RSPH1: variants seen among roughly 807,000 people sequenced by gnomAD.
RSPH1 encodes the protein radial spoke head 1 homolog.
RSPH1 carries 32 observed loss-of-function variants against 44.2 expected under a neutral mutation model. That is an observed-to-expected ratio of 0.72 (90% CI 0.55 to 0.97). The LOEUF is 0.97. Ranked by LOEUF, RSPH1 falls within the 50% of genes least tolerant of loss-of-function variation. The probability of loss-of-function intolerance (pLI) is 0.00; values close to 1 mark genes in which losing one functional copy is unlikely to be tolerated. For missense variants in RSPH1, 391 were observed against 398.7 expected (o/e 0.98, Z 0.16); for synonymous variants, 134 against 147.3 (o/e 0.91, Z 0.65).
rs1403153655 is a variant in RSPH1, at chr21:42,485,751, G to C, written c.419C>G (p.Thr140Ser). 1 of 1,614,048 alleles carries C rather than the reference G, an allele frequency of 6.2e-7. No homozygotes were observed. Among genetic ancestry groups the C allele is most frequent in the African/African-American group, 1.3e-5 (1 of 74,904 alleles). Residue 140 changes from threonine (T) to serine (S), a missense_variant, in exon 5 of 9, where the codon ACC becomes AGC. By Grantham distance (58) the Thr-to-Ser change is moderately conservative. Coordinates refer to ENST00000291536, the MANE Select transcript of RSPH1 (RefSeq NM_080860.4). The part of the protein sequence containing the change: ...YAETGSKYVG[T>S]WVNGQQEGTA... ...GCCCTCCTGCTGTCCGTTCACCCAG[G>C]TGCCAACATACTTACTGCCCGTCTC...
At chr21:42,475,012 T>C (rs2054030354) in intron 8 of RSPH1, among the ~76,000 whole-genome samples, 1 of 152,180 alleles carries the variant, frequency 6.6e-6, no homozygotes, top group South Asian at 2.1e-4. Context: ...AGATGGCCCT[T>C]TCCCTCACAA....
chr21:42,475,979 G>A lies in RSPH1; in HGVS notation c.796C>T (p.Pro266Ser). Residue 266 changes from proline to serine, a missense_variant, in exon 8 of 9, where the codon CCT becomes TCT. Transcript: ENST00000291536. ...EGFEGEMDMR[P>S]GDEDADVLRE... ...AGGACGTCTGCATCTTCATCTCCAG[G>A]CCTCATGTCCATCTCACCCTCGAAG... The A allele has an allele frequency of 6.2e-6, 10 of 1,612,918 alleles. No homozygotes were observed. The highest frequency in any genetic ancestry group is 8.5e-6 in the Non-Finnish European group (10 of 1,179,760).
In RSPH1 at chr21:42,474,790, G is replaced by A. The variant is rs566545273; in HGVS notation, c.877+1108C>T. On this transcript the variant is annotated intron_variant, in intron 8 of 8. Transcript: ENST00000291536. The surrounding 1 kb of genome is among the most constrained non-coding windows in gnomAD (Gnocchi z 5.2). Reference sequence around the variant, plus strand: ...AGCGCTCAGGGGAATTACCGATCACGAAAGTCTATGCCAGCGCTCAGGGGA... The same window carrying A: ...AGCGCTCAGGGGAATTACCGATCACAAAAGTCTATGCCAGCGCTCAGGGGA... Among the ~76,000 whole-genome samples the A allele has an allele frequency of 2.2e-4, 32 of 148,246 alleles. No individual in the cohort carries two copies. The South Asian group carries it at 4.4e-3, about 20-fold the overall frequency.
chr21:42,485,574 T>C (rs1362039479), intron 5 of RSPH1, 95 bp downstream of exon 5: 3 of 1,454,960 alleles, frequency 2.1e-6, no homozygotes, highest in South Asian at 1.2e-5. Context: ...CAGTTTTCTC[T>C]GAGTTTTTGG....
chr21:42,478,270 G>A (rs1007475469), intron 6 of RSPH1, among the ~76,000 whole-genome samples: 1 of 152,352 alleles, frequency 6.6e-6, no homozygotes, highest in Admixed American at 6.5e-5. Flanking sequence ...ACAGAGAGGG[G>A]CAGACACCTG....
intron 7 of RSPH1, among the ~76,000 whole-genome samples, chr21:42,476,994 G>GACCCC (rs2054060779): frequency 5.3e-4 from 20 of 37,500 alleles, no homozygotes; most frequent in Middle Eastern, 0.012. Flanking sequence ...CACACCCTCT[G>GACCCC]TCCCACAGCC....
At chr21:42,486,303 A>T in intron 4 of RSPH1, 68 bp downstream of exon 4, 1 of 1,157,168 alleles carries the variant, frequency 8.6e-7, no homozygotes, top group Non-Finnish European at 1.3e-6. Flanking sequence ...GTAAGTGTAA[A>T]CAATCTGCAG....
chr21:42,477,511 G>C (rs1178141105), intron 6 of RSPH1, 67 bp from the exon 7 acceptor site: 3 of 1,538,296 alleles, frequency 2.0e-6, no homozygotes, highest in African/African-American at 1.4e-5. Flanking sequence ...TATTAAAAGT[G>C]AGGGAGGAAG....
At chr21:42,495,673 C>T (rs1239385819) in intron 1 of RSPH1, among the ~76,000 whole-genome samples, 2 of 152,246 alleles carry the variant, frequency 1.3e-5, no homozygotes, top group Admixed American at 1.3e-4. Context: ...CCAGGGCCTC[C>T]TCAGCATTTC....
chr21:42,477,433 T>C lies in RSPH1; in HGVS notation c.585A>G (p.Glu195=). 1 of 1,614,024 alleles carries C rather than the reference T, an allele frequency of 6.2e-7. No individual in the cohort carries two copies. Among genetic ancestry groups the C allele is most frequent in the Non-Finnish European group, 8.5e-7 (1 of 1,179,868 alleles). ...EYRLTDMERG[E]EEEEEELVTV... is the part of the protein sequence containing the mutation. ...TTACTAATTCTTCCTCCTCTTCCTC[T>C]TCTCCTCTTTCCTATTTTAAGTGCA... The change falls in exon 7 of 9, where the codon GAA becomes GAG. Residue 195 remains glutamate, a synonymous_variant. Transcript: ENST00000291536.
chr21:42,485,522 T>A, intron 5 of RSPH1, 147 bp downstream of exon 5: 1 of 854,562 alleles, frequency 1.2e-6, no homozygotes, highest in Non-Finnish European at 1.8e-6. Flanking sequence ...GCTCAGAGAA[T>A]GGCACAGCTG....
chr21:42,491,196 G>T (rs1297092499), intron 3 of RSPH1, among the ~76,000 whole-genome samples: 1 of 152,136 alleles, frequency 6.6e-6, no homozygotes, highest in African/African-American at 2.4e-5. Flanking sequence ...TAGAACTGTG[G>T]GTACCCTCCG....
chr21:42,493,131 C>CCATTTTGTA, intron 1 of RSPH1, 52 bp from the exon 2 acceptor site: 1 of 1,452,820 alleles, frequency 6.9e-7, no homozygotes, highest in East Asian at 2.3e-5. Context: ...AAGCGCTAAC[C>CCATTTTGTA]AGGTGCTAAG....
chr21:42,489,080 ATTGG>A (rs1471859228), intron 3 of RSPH1, among the ~76,000 whole-genome samples: 1 of 123,248 alleles, frequency 8.1e-6, no homozygotes, highest in Admixed American at 8.0e-5. Context: ...TGGCTAACCG[ATTGG>A]TTGGTTGGTT....
chr21:42,478,115 A>C (rs1324121705), intron 6 of RSPH1, among the ~76,000 whole-genome samples: 1 of 152,274 alleles, frequency 6.6e-6, no homozygotes, highest in Non-Finnish European at 1.5e-5. Flanking sequence ...CAATTCCGAC[A>C]ATGGTGAGCA....
Position 42,492,799 on chromosome 21 carries a change from C to A in RSPH1, c.233G>T (p.Gly78Val). The change falls in exon 3 of 9, where the codon GGT becomes GTT. Residue 78 changes from glycine to valine, a missense_variant. Gly to Val is a moderately radical substitution (Grantham distance 109, BLOSUM62 -3). Coordinates refer to ENST00000291536, the MANE Select transcript of RSPH1 (RefSeq NM_080860.4). ...ATCTGGATATATAAAAGTGCCTTGA[C>A]CGTGCTTTTTATTTCTAACATATTC... is the stretch of plus-strand genomic sequence containing the variant. ...IGEYVRNKKH[G>V]QGTFIYPDGS... The A allele has an allele frequency of 2.5e-6, 4 of 1,613,110 alleles. No homozygotes were observed. Among genetic ancestry groups the A allele is most frequent in the Non-Finnish European group, 3.4e-6 (4 of 1,179,066 alleles).
chr21:42,483,533 T>TA (rs2054151237), intron 5 of RSPH1, among the ~76,000 whole-genome samples: 1 of 152,146 alleles, frequency 6.6e-6, no homozygotes, highest in African/African-American at 2.4e-5. Flanking sequence ...AAGCCTGCAT[T>TA]TTTTTCAAGA....
chr21:42,482,032 C>T (rs1431528975), intron 6 of RSPH1, among the ~76,000 whole-genome samples: 1 of 152,174 alleles, frequency 6.6e-6, no homozygotes, highest in Non-Finnish European at 1.5e-5. Flanking sequence ...CTTGCAGGAC[C>T]TAACACTGTC....
rs1286926180 is a variant in RSPH1 at position 42,485,668 on chromosome 21, C to T, written c.501+1G>A. 2.5e-6 allele frequency: 4 copies of T among 1,614,010 alleles called. No individual in the cohort carries two copies. The highest frequency in any genetic ancestry group is 3.4e-6 in the Non-Finnish European group (4 of 1,180,058). ...GCAAATGTCACTTCCCATGGACTTACATTTTTGTTCAAGAACTTGCCCTGG... is the reference window on the plus strand; with the variant it reads ...GCAAATGTCACTTCCCATGGACTTATATTTTTGTTCAAGAACTTGCCCTGG... On this transcript the variant is annotated splice_donor_variant, in intron 5 of 8. Coordinates refer to ENST00000291536, the MANE Select transcript of RSPH1 (RefSeq NM_080860.4). LOFTEE classifies it high-confidence loss of function.
Sources: gnomAD v4.1 joint callset for allele counts (sites outside exome capture counted in the v4.1 genomes callset) on GRCh38, gnomAD v4.1.1 for gene constraint, Gnocchi (gnomAD v3.1) non-coding constraint, MANE v1.5 for transcripts, NCBI Gene and HGNC (gene_info 2026-07-23, HGNC 2026-07-21) for gene names.